CHRM5: variants seen among roughly 807,000 people sequenced by gnomAD.
CHRM5 encodes cholinergic receptor muscarinic 5.
A neutral mutation model predicts 39.0 loss-of-function variants in CHRM5; 18 were observed. That is an observed-to-expected ratio of 0.46 (90% CI 0.32 to 0.68). The LOEUF (loss-of-function observed/expected upper bound fraction) is 0.68. Ranked by LOEUF, CHRM5 falls within the 30% of genes least tolerant of loss-of-function variation. The pLI, the probability that CHRM5 is intolerant of heterozygous loss-of-function variation, is 0.04. For missense variants in CHRM5, 515 were observed against 651.1 expected, an observed-to-expected ratio of 0.79 and a Z score of 2.28; for synonymous variants, 241 against 246.3, an observed-to-expected ratio of 0.98 and a Z score of 0.20.
At chr15:34,039,462 T>TA (rs1389818958) in intron 1 of CHRM5, among the ~76,000 whole-genome samples, 1 of 152,196 alleles carries the variant, frequency 6.6e-6, no homozygotes, top group Non-Finnish European at 1.5e-5. Context: ...TCTAAACAAA[T>TA]ACATACTAAA....
intron 1 of CHRM5, among the ~76,000 whole-genome samples, chr15:33,981,588 C>T (rs1374077250): frequency 2.6e-5 from 4 of 152,160 alleles, no homozygotes; most frequent in Admixed American, 2.6e-4. Context: ...GCATAGCCAA[C>T]TGTATGCATA....
intron 1 of CHRM5, among the ~76,000 whole-genome samples, chr15:33,986,643 C>G (rs949028244): frequency 9.0e-6 from 1 of 111,556 alleles, no homozygotes; most frequent in Non-Finnish European, 2.2e-5. Flanking sequence ...GACCATAAGG[C>G]TCTATATCAG....
At chr15:34,037,179 C>T (rs1358165158) in intron 1 of CHRM5, among the ~76,000 whole-genome samples, 1 of 151,822 alleles carries the variant, frequency 6.6e-6, no homozygotes, top group Non-Finnish European at 1.5e-5. Flanking sequence ...AAAACAGAAG[C>T]ACCTTCACTC....
At chr15:33,979,154 A>G (rs191631374) in intron 1 of CHRM5, among the ~76,000 whole-genome samples, 1 of 152,314 alleles carries the variant, frequency 6.6e-6, no homozygotes, top group African/African-American at 2.4e-5. Flanking sequence ...ACACAACCAC[A>G]GAAGAGTCAC....
intron 1 of CHRM5, among the ~76,000 whole-genome samples, chr15:33,970,347 G>A (rs1387998281): frequency 6.6e-6 from 1 of 151,822 alleles, no homozygotes; most frequent in Non-Finnish European, 1.5e-5. Flanking sequence ...AGTCATTACA[G>A]AAACTTACCT....
At chr15:34,034,506 A>T (rs1250093147) in intron 1 of CHRM5, among the ~76,000 whole-genome samples, 1 of 152,118 alleles carries the variant, frequency 6.6e-6, no homozygotes, top group Non-Finnish European at 1.5e-5. Context: ...TTTATTTAAA[A>T]AGTCAATATA....
intron 1 of CHRM5, among the ~76,000 whole-genome samples, chr15:34,014,391 CAAA>C (rs1332707712): frequency 3.2e-5 from 1 of 30,922 alleles, no homozygotes; most frequent in Non-Finnish European, 1.2e-4. Context: ...AAAACAAAAA[CAAA>C]AACCACGTTT....
intron 1 of CHRM5, among the ~76,000 whole-genome samples, chr15:33,980,113 G>A (rs557225): frequency 0.8 from 121,313 of 152,240 alleles, 54,074 homozygotes; most frequent in Non-Finnish European, 0.98. Flanking sequence ...TAGTAAACTA[G>A]TATGACTCAG....
intron 2 of CHRM5, among the ~76,000 whole-genome samples, chr15:34,058,555 A>AACACACAC (rs3027963): frequency 0.27 from 38,827 of 142,974 alleles, 5,833 homozygotes; most frequent in East Asian, 0.41. Context: ...CTTTAATTCT[A>AACACACAC]ACACACACAC....
At chr15:34,038,903 G>C in intron 1 of CHRM5, 1 of 1,124,990 alleles carries the variant, frequency 8.9e-7, no homozygotes, top group South Asian at 4.2e-5. Context: ...CCCGGCGTCC[G>C]CCTCCGTCCC....
At chr15:34,009,810 G>A (rs527831089) in intron 1 of CHRM5, among the ~76,000 whole-genome samples, 11 of 152,134 alleles carry the variant, frequency 7.2e-5, no homozygotes, top group African/African-American at 2.2e-4. Flanking sequence ...GCAACATAGA[G>A]AGCATTGCTA....
chr15:34,053,319 A>AAAATATATATAT (rs775436850), intron 2 of CHRM5, among the ~76,000 whole-genome samples: 1 of 42,070 alleles, frequency 2.4e-5, no homozygotes, highest in Non-Finnish European at 4.7e-5. Flanking sequence ...AAAAAAAAAA[A>AAAATATATATAT]ATATATATAT....
chr15:34,045,820 T>C (rs1343520715), intron 1 of CHRM5, among the ~76,000 whole-genome samples: 1 of 152,262 alleles, frequency 6.6e-6, no homozygotes. Context: ...TTACCTTCTT[T>C]GATTTTTATG....
Position 34,039,236 on chromosome 15 carries a change from C to G in CHRM5, c.-407-7304C>G, listed in dbSNP as rs1047240076. The G allele has an allele frequency of 3.1e-5, 10 of 320,942 alleles. 1 individual carries two copies. Among genetic ancestry groups the G allele is most frequent in the Non-Finnish European group, 3.2e-5 (7 of 218,102 alleles). The allele number at this position is 320,942 out of a possible 1,614,324, so 19.9% of individuals were successfully genotyped here. A position where few individuals can be genotyped will look rare whatever the true frequency, so the allele number is the denominator to read the frequency against. On this transcript the variant is annotated intron_variant, in intron 1 of 2. Coordinates refer to ENST00000383263, the MANE Select transcript of CHRM5 (RefSeq NM_012125.4). ...GGGCGGGGCGGGGCGGCCGGCGTCC[C>G]GCAGGTGGGGCCGGAACCGGGACCG...
intron 1 of CHRM5, among the ~76,000 whole-genome samples, chr15:34,029,330 G>A (rs1898651157): frequency 6.6e-6 from 1 of 152,084 alleles, no homozygotes; most frequent in Non-Finnish European, 1.5e-5. Context: ...AATAACACCT[G>A]GCCACATCTT....
intron 1 of CHRM5, among the ~76,000 whole-genome samples, chr15:34,045,135 A>C (rs1278473926): frequency 6.6e-6 from 1 of 152,236 alleles, no homozygotes; most frequent in Non-Finnish European, 1.5e-5. Context: ...CTAAAAACTC[A>C]ACTTTATTCT....
rs117459218 is a variant in CHRM5 at position 34,002,831 on chromosome 15, C to T, written c.-408+33681C>T. Among the ~76,000 whole-genome samples, 8 of 152,290 alleles carry T rather than the reference C, an allele frequency of 5.3e-5. No homozygotes were observed. In the East Asian group the frequency reaches 7.7e-4, roughly 15 times the overall value. ...CGCAAAGACTTTAGTCATTCTACAT[C>T]GGTACATGGAAACCCTTACTTCCAC... On this transcript the variant is annotated intron_variant, in intron 1 of 2. Coordinates refer to ENST00000383263, the MANE Select transcript of CHRM5 (RefSeq NM_012125.4).
chr15:33,983,291 A>G lies in CHRM5; in HGVS notation c.-408+14141A>G, dbSNP rs182235613. On this transcript the variant is annotated intron_variant, in intron 1 of 2. Transcript: ENST00000383263. Reference sequence around the variant, plus strand: ...ACCAACAAATGACAAAAGATAAAATAAGCTTTTTGTAACTGATTAATGAGG... The same window carrying G: ...ACCAACAAATGACAAAAGATAAAATGAGCTTTTTGTAACTGATTAATGAGG... 1.4e-3 allele frequency among the ~76,000 whole-genome samples: 219 copies of G among 151,628 alleles called. 2 individuals are homozygous for G. Among genetic ancestry groups the G allele is most frequent in the African/African-American group, 5.0e-3 (209 of 41,412 alleles).
intron 1 of CHRM5, among the ~76,000 whole-genome samples, chr15:33,975,414 T>TG (rs566165118): frequency 2.6e-5 from 4 of 152,334 alleles, no homozygotes; most frequent in African/African-American, 9.6e-5. Flanking sequence ...TTCTGCTGCC[T>TG]AAACATTGAT....
Sources: gnomAD v4.1 joint callset for allele counts (sites outside exome capture counted in the v4.1 genomes callset) on GRCh38, gnomAD v4.1.1 for gene constraint, MANE v1.5 for transcripts, NCBI Gene and HGNC (gene_info 2026-07-23, HGNC 2026-07-21) for gene names.